The following RYR3 variants were observed in gnomAD, a reference collection of about 807,000 sequenced individuals.
The protein encoded by RYR3 is ryanodine receptor 3, also known as brain ryanodine receptor-calcium release channel.
Under a neutral mutation model 584.3 loss-of-function variants are expected in RYR3, and 207 were observed. That is an observed-to-expected ratio of 0.35 (90% CI 0.32 to 0.40). The LOEUF is 0.40. RYR3 is among the 10% of genes least tolerant of loss of function. The pLI, the probability that RYR3 is intolerant of heterozygous loss-of-function variation, is 1.00. For synonymous variants in RYR3, 2,416 were observed against 2,248.5 expected (o/e 1.07, Z -2.11); for missense variants, 5,616 against 6,089.2 (o/e 0.92, Z 2.59).
chr15:33,443,102 A>G (rs986196825), intron 1 of RYR3, among the ~76,000 whole-genome samples: 21 of 152,062 alleles, frequency 1.4e-4, no homozygotes, highest in Admixed American at 1.3e-3. Context: ...TCTACTAAAA[A>G]TACAAAATTA....
At chr15:33,497,148 C>T (rs2051512154) in intron 2 of RYR3, among the ~76,000 whole-genome samples, 1 of 152,168 alleles carries the variant, frequency 6.6e-6, no homozygotes. Flanking sequence ...CAGATTCCTC[C>T]TCTTCTCCCA....
rs2078187623 is a variant in RYR3, at chr15:33,838,772, A to G, written c.12792A>G (p.Leu4264=). 6.2e-7 allele frequency: 1 copy of G among 1,613,798 alleles called. No individual in the cohort carries two copies. Among genetic ancestry groups the G allele is most frequent in the Admixed American group, 1.7e-5 (1 of 59,992 alleles). Residue 4264 remains leucine, a synonymous_variant, in exon 89 of 104, where the codon CTA becomes CTG. Coordinates refer to ENST00000634891, the MANE Select transcript of RYR3 (RefSeq NM_001036.6). ...EVMEPGITTE[L]VHFIKGEKGD... is the part of the protein sequence containing the mutation. ...TGGAGCCAGGTATCACCACTGAACT[A>G]GTACACTTCATAAAGGGGGAGAAGG...
intron 31 of RYR3, 52 bp downstream of exon 31, chr15:33,649,287 C>T: frequency 6.5e-7 from 1 of 1,543,492 alleles, no homozygotes; most frequent in Admixed American, 1.7e-5. Flanking sequence ...TCAGTCCCTC[C>T]CCCCAGTCTT....
chr15:33,337,934 A>ATTTTTTTTT lies in RYR3; in HGVS notation c.51+26858_51+26866dup, dbSNP rs199625940. 2.9e-3 allele frequency among the ~76,000 whole-genome samples: 324 copies of ATTTTTTTTT among 113,534 alleles called. 25 individuals are homozygous for ATTTTTTTTT. The highest frequency in any genetic ancestry group is 5.7e-3 in the Middle Eastern group (1 of 176). The allele number at this position is 113,534 out of a possible 152,430, so 74.5% of individuals were successfully genotyped here. A position where few individuals can be genotyped will look rare whatever the true frequency, so the allele number is the denominator to read the frequency against. Reference sequence around the variant, plus strand: ...AGACAAGTCTCAATCATTTTAGGAGATTTTTTTTTTTTTTTTTTTTTTTTT... The same window carrying ATTTTTTTTT: ...AGACAAGTCTCAATCATTTTAGGAGATTTTTTTTTTTTTTTTTTTTTTTTTTTTTTTTTT... On this transcript the variant is annotated intron_variant, in intron 1 of 103. Coordinates refer to ENST00000634891, the MANE Select transcript of RYR3 (RefSeq NM_001036.6).
At chr15:33,641,283 T>A (rs1191482416) in intron 27 of RYR3, among the ~76,000 whole-genome samples, 1 of 152,244 alleles carries the variant, frequency 6.6e-6, no homozygotes, top group Non-Finnish European at 1.5e-5. Context: ...GTTTACCAGG[T>A]AGCAGATGTT....
rs139101749 is a variant in RYR3 at position 33,584,242 on chromosome 15, A to G, written c.1574-153A>G. Among the ~76,000 whole-genome samples the G allele has an allele frequency of 4.4e-3, 669 of 152,178 alleles. 3 individuals are homozygous for G. The highest frequency in any genetic ancestry group is 0.015 in the African/African-American group (643 of 41,520). On this transcript the variant is annotated intron_variant, in intron 14 of 103. Coordinates refer to ENST00000634891, the MANE Select transcript of RYR3 (RefSeq NM_001036.6). The stretch of plus-strand genomic sequence containing the variant: ...ACTGTCACTTAAAAAAAGAAAAAAA[A>G]AGAAAGAATTGTGTCAAAGGGCTAG...
rs916468787 is a variant in RYR3 at position 33,865,111 on chromosome 15, C to T, written c.14518-20C>T. On this transcript the variant is annotated intron_variant, in intron 103 of 103. Transcript: ENST00000634891. ...TTACTGTGGTTTAAAAATAAGCACC[C>T]GTTGTTCATATTATTTCAGGAATCT... 26 of 1,581,288 alleles carry T rather than the reference C, an allele frequency of 1.6e-5. 1 individual carries two copies. The highest frequency in any genetic ancestry group is 3.4e-5 in the Admixed American group (2 of 59,436).
At chr15:33,419,141 G>T (rs1474522472) in intron 1 of RYR3, among the ~76,000 whole-genome samples, 2 of 152,134 alleles carry the variant, frequency 1.3e-5, no homozygotes, top group Non-Finnish European at 2.9e-5. Flanking sequence ...AGGGAATAAT[G>T]AATGGGAAAA....
At chr15:33,798,058 A>C (rs2075721706) in intron 67 of RYR3, among the ~76,000 whole-genome samples, 1 of 149,812 alleles carries the variant, frequency 6.7e-6, no homozygotes, top group South Asian at 2.2e-4. Flanking sequence ...CCTCGTTAGA[A>C]AGCCTCATGC....
At chr15:33,777,371 C>T (rs2074063793) in intron 64 of RYR3, among the ~76,000 whole-genome samples, 1 of 152,144 alleles carries the variant, frequency 6.6e-6, no homozygotes, top group Admixed American at 6.5e-5. Context: ...TAGCTCAATC[C>T]CTCCTTGGGC....
intron 2 of RYR3, among the ~76,000 whole-genome samples, chr15:33,480,521 T>C (rs1175844496): frequency 6.6e-6 from 1 of 152,192 alleles, no homozygotes; most frequent in Non-Finnish European, 1.5e-5. Flanking sequence ...AATTAACTAA[T>C]TGAATTTTTG....
chr15:33,548,014 C>A, intron 8 of RYR3, 116 bp from the exon 9 acceptor site: 1 of 707,632 alleles, frequency 1.4e-6, no homozygotes, highest in Non-Finnish European at 2.5e-6. Flanking sequence ...ATTCTGCTGA[C>A]TCCAAAAGGG....
At chr15:33,335,768 T>G (rs1001773788) in intron 1 of RYR3, among the ~76,000 whole-genome samples, 12 of 152,042 alleles carry the variant, frequency 7.9e-5, no homozygotes, top group African/African-American at 2.9e-4. Context: ...CCAAGCTTCT[T>G]GGTTTGCCAA....
In RYR3 at chr15:33,861,134, T is replaced by G; in HGVS notation, c.14421T>G (p.Gly4807=). ...GNDYFDTTPH[G]FETHTLQEHN... is the part of the protein sequence containing the mutation. ...ACTACTTTGACACAACCCCTCATGG[T>G]TTTGAAACACATACATTACAAGAGC... The change falls in exon 102 of 104, where the codon GGT becomes GGG. Residue 4807 remains glycine, a synonymous_variant. Transcript: ENST00000634891. 1 of 1,597,630 alleles carries G rather than the reference T, an allele frequency of 6.3e-7. No homozygotes were observed. The highest frequency in any genetic ancestry group is 1.1e-5 in the South Asian group (1 of 87,928).
At position 33,579,673 on chromosome 15, in the gene RYR3, C is replaced by T. The variant is rs111245195; in HGVS notation, c.1269-303C>T. Among the ~76,000 whole-genome samples, 651 of 152,204 alleles carry T rather than the reference C, an allele frequency of 4.3e-3. 4 individuals carry two copies. Among genetic ancestry groups the T allele is most frequent in the African/African-American group, 0.015 (603 of 41,520 alleles). On this transcript the variant is annotated intron_variant, in intron 12 of 103. Coordinates refer to ENST00000634891, the MANE Select transcript of RYR3 (RefSeq NM_001036.6). The stretch of plus-strand genomic sequence containing the variant: ...TAGACATTCAGTGAATACCCATTGA[C>T]GCTATGTGCTGAAATATTACAGTAA...
Position 33,830,870 on chromosome 15 carries a change from G to A in RYR3, c.11335-93G>A, listed in dbSNP as rs1470756032. The stretch of plus-strand genomic sequence containing the variant: ...CCTGTCAGAGCAAAGAGGTCATAGA[G>A]ATGCAGGATTATCATGTACCCTTCC... On this transcript the variant is annotated intron_variant, in intron 85 of 103. Coordinates refer to ENST00000634891, the MANE Select transcript of RYR3 (RefSeq NM_001036.6). 4.5e-6 allele frequency: 6 copies of A among 1,327,146 alleles called. No individual in the cohort carries two copies. The East Asian group carries it at 1.2e-4, about 26-fold the overall frequency. The allele number at this position is 1,327,146 out of a possible 1,614,324, so 82.2% of individuals were successfully genotyped here.
Position 33,586,015 on chromosome 15 carries a change from C to T in RYR3, c.1687C>T (p.His563Tyr). 1.2e-6 allele frequency: 2 copies of T among 1,610,990 alleles called. No individual in the cohort carries two copies. Among genetic ancestry groups the T allele is most frequent in the East Asian group, 2.2e-5 (1 of 44,844 alleles). ...TCATGTAGGTATCTTGGAAGTTTTG[C>T]ACTGCATCTTAACTGAAAGCCCAGA... The part of the protein sequence containing the change: ...ESSSGILEVL[H>Y]CILTESPEAL... Residue 563 changes from histidine to tyrosine, a missense_variant, in exon 16 of 104, where the codon CAC (histidine) becomes TAC (tyrosine). Physicochemically the swap from His to Tyr is moderately conservative, Grantham distance 83 (BLOSUM62 2). Around this residue, in one of 9 missense-constraint regions of RYR3, gnomAD observed 1,284 missense variants for 1,344.6 expected, o/e 0.95. Transcript: ENST00000634891.
intron 1 of RYR3, among the ~76,000 whole-genome samples, chr15:33,459,443 G>A (rs1329864528): frequency 1.5e-4 from 23 of 152,148 alleles, no homozygotes; most frequent in Admixed American, 1.5e-3. Context: ...TGTCCCTGAG[G>A]CTTGGACAAG....
chr15:33,331,670 A>C (rs1595739315), intron 1 of RYR3, among the ~76,000 whole-genome samples: 1 of 152,116 alleles, frequency 6.6e-6, no homozygotes, highest in African/African-American at 2.4e-5. Flanking sequence ...AAACCTAAGA[A>C]GGATTACCAC....
Sources: allele counts gnomAD v4.1 joint callset (sites outside exome capture counted in the v4.1 genomes callset), GRCh38; gene constraint gnomAD v4.1.1; regional missense constraint gnomAD v4.1.1; transcripts MANE v1.5; gene names NCBI Gene and HGNC (gene_info 2026-07-23, HGNC 2026-07-21).